The following TBC1D31 variants were observed in gnomAD, a reference collection of about 807,000 sequenced individuals.
TBC1D31 encodes TBC1 domain family member 31.
TBC1D31 carries 99 observed loss-of-function variants against 132.9 expected under a neutral mutation model. The observed-to-expected ratio is 0.74, with a 90% confidence interval of 0.63 to 0.88. The LOEUF is 0.88. Among genes scored for constraint, TBC1D31 ranks in the 40% least tolerant of loss-of-function variants. The probability of loss-of-function intolerance (pLI) is 0.00; values close to 1 mark genes in which losing one functional copy is unlikely to be tolerated. For synonymous variants in TBC1D31, 385 were observed against 419.4 expected, an observed-to-expected ratio of 0.92 and a Z score of 1.00; for missense variants, 1,134 against 1,256.6, an observed-to-expected ratio of 0.90 and a Z score of 1.48.
At chr8:123,090,121 C>G (rs747651612) in intron 4 of TBC1D31, among the ~76,000 whole-genome samples, 3 of 152,052 alleles carry the variant, frequency 2.0e-5, no homozygotes, top group African/African-American at 2.4e-5. Flanking sequence ...AATAGATACC[C>G]GTTATTTAGT....
chr8:123,128,255 G>T, intron 13 of TBC1D31, 26 bp from the exon 14 acceptor site: 1 of 1,270,390 alleles, frequency 7.9e-7, no homozygotes, highest in South Asian at 1.3e-5. Context: ...GGTAAATCTC[G>T]ATTTAAACAC....
chr8:123,139,715 C>T (rs1821443890), intron 17 of TBC1D31, among the ~76,000 whole-genome samples: 1 of 150,752 alleles, frequency 6.6e-6, no homozygotes, highest in Admixed American at 6.6e-5. Flanking sequence ...CATGACCTTC[C>T]AGGAACCTAT....
intron 11 of TBC1D31, among the ~76,000 whole-genome samples, chr8:123,121,672 G>T (rs1416364383): frequency 6.6e-6 from 1 of 152,168 alleles, no homozygotes; most frequent in Non-Finnish European, 1.5e-5. Flanking sequence ...CCTGAAGCAG[G>T]TGCTGGAGCC....
At chr8:123,128,747 G>A (rs28472785) in intron 14 of TBC1D31, among the ~76,000 whole-genome samples, 2,329 of 152,010 alleles carry the variant, frequency 0.015, 56 homozygotes, top group African/African-American at 0.052. Context: ...ATGGTGGCAC[G>A]CCCCTGTAGT....
At position 123,136,292 on chromosome 8, in the gene TBC1D31, C is replaced by T. The variant is rs564746690; in HGVS notation, c.2499+2086C>T. On this transcript the variant is annotated intron_variant, in intron 17 of 21. Transcript: ENST00000287380. The stretch of plus-strand genomic sequence containing the variant: ...AGTCTCCTTTAAAATAAGAAATGTT[C>T]GTGACTCTGTCTTTGTATTTTATGA... Among the ~76,000 whole-genome samples, 24 of 152,170 alleles carry T rather than the reference C, an allele frequency of 1.6e-4. No individual in the cohort carries two copies. In the East Asian group the frequency reaches 4.4e-3, roughly 28 times the overall value.
chr8:123,098,711 A>G (rs1289720731), intron 6 of TBC1D31, among the ~76,000 whole-genome samples: 1 of 152,188 alleles, frequency 6.6e-6, no homozygotes, highest in Non-Finnish European at 1.5e-5. Context: ...ACCTATTTTT[A>G]GTCATTTTCT....
At chr8:123,082,907 G>GTCATGGGGACTGCGCCCTCAA in intron 3 of TBC1D31, 90 bp downstream of exon 3, 1 of 845,664 alleles carries the variant, frequency 1.2e-6, no homozygotes, top group Non-Finnish European at 1.8e-6. Flanking sequence ...AGCTTGAGGG[G>GTCATGGGGACTGCGCCCTCAA]GCAGTCCCCA....
intron 1 of TBC1D31, 48 bp downstream of exon 1, chr8:123,072,894 G>A (rs375535093): frequency 1.3e-6 from 2 of 1,518,164 alleles, no homozygotes; most frequent in African/African-American, 1.4e-5. Flanking sequence ...GATGGAGACC[G>A]GCGAGGAGGG....
At chr8:123,076,726 T>C (rs537705077) in intron 1 of TBC1D31, among the ~76,000 whole-genome samples, 5 of 152,346 alleles carry the variant, frequency 3.3e-5, no homozygotes, top group Admixed American at 3.3e-4. Flanking sequence ...CAAAATCTCA[T>C]ACCCTGTTGT....
At chr8:123,112,699 T>G (rs959436108) in intron 10 of TBC1D31, among the ~76,000 whole-genome samples, 2 of 152,242 alleles carry the variant, frequency 1.3e-5, no homozygotes, top group Non-Finnish European at 2.9e-5. Context: ...TAAGTCTTTT[T>G]CTATTAAGTG....
chr8:123,126,745 T>C, intron 13 of TBC1D31, 58 bp downstream of exon 13: 2 of 1,470,250 alleles, frequency 1.4e-6, no homozygotes, highest in South Asian at 1.3e-5. Flanking sequence ...CTCTCTATTT[T>C]TTTTTTAATT....
At chr8:123,118,990 T>C (rs987013178) in intron 10 of TBC1D31, among the ~76,000 whole-genome samples, 2 of 152,206 alleles carry the variant, frequency 1.3e-5, no homozygotes, top group Non-Finnish European at 1.5e-5. Flanking sequence ...CCCCCCAAAA[T>C]GTTGGGATTA....
chr8:123,157,907 ACTGACTGCAAGACTTT>A, the TBC1D31 span, among the ~76,000 whole-genome samples: 8 of 151,918 alleles, frequency 5.3e-5, no homozygotes, highest in South Asian at 2.1e-4. Context: ...TGACTGCAGG[ACTGACTGCAAGACTTT>A]CTGACTGCAA....
intron 21 of TBC1D31, among the ~76,000 whole-genome samples, chr8:123,150,766 T>C (rs1278392639): frequency 6.6e-6 from 1 of 152,232 alleles, no homozygotes; most frequent in East Asian, 1.9e-4. Flanking sequence ...ATAAAGAAGC[T>C]AACAATCTTC....
At chr8:123,154,037 C>A (rs965259301), downstream of TBC1D31, among the ~76,000 whole-genome samples, 1 of 152,202 alleles carries the variant, frequency 6.6e-6, no homozygotes, top group Non-Finnish European at 1.5e-5. Flanking sequence ...GAGTTTTTCT[C>A]TAGTATGAAT....
chr8:123,139,138 A>G (rs772795599), intron 17 of TBC1D31, among the ~76,000 whole-genome samples: 3 of 148,998 alleles, frequency 2.0e-5, no homozygotes, highest in Non-Finnish European at 4.4e-5. Flanking sequence ...TTTTTCAAAC[A>G]GTCATGTGAT....
chr8:123,120,438 G>A (rs1251896576), intron 11 of TBC1D31, among the ~76,000 whole-genome samples: 1 of 152,228 alleles, frequency 6.6e-6, no homozygotes, highest in Non-Finnish European at 1.5e-5. Context: ...TTGGGAGGCT[G>A]AGGCAGGCGG....
chr8:123,152,740 A>T (rs1586757010), downstream of TBC1D31, among the ~76,000 whole-genome samples: 1 of 152,058 alleles, frequency 6.6e-6, no homozygotes, highest in Non-Finnish European at 1.5e-5. Flanking sequence ...GTGTGGTGGC[A>T]CATGCCTGTA....
chr8:123,121,114 C>T (rs1287638325), intron 11 of TBC1D31, among the ~76,000 whole-genome samples: 2 of 151,878 alleles, frequency 1.3e-5, no homozygotes, highest in Non-Finnish European at 2.9e-5. Context: ...CCACACCATG[C>T]CCAGCTAATT....
Sources: allele counts gnomAD v4.1 joint callset (sites outside exome capture counted in the v4.1 genomes callset), GRCh38; gene constraint gnomAD v4.1.1; transcripts MANE v1.5; gene names NCBI Gene and HGNC (gene_info 2026-07-23, HGNC 2026-07-21).